The following MROH9 variants were observed in gnomAD, a reference collection of about 807,000 sequenced individuals.
MROH9 encodes the protein maestro heat-like repeat-containing protein family member 9.
In MROH9, 92 loss-of-function variants were observed where a neutral mutation model predicts 98.2. The observed-to-expected ratio is 0.94, with a 90% CI of 0.79 to 1.11. The LOEUF is 1.11. MROH9 is among the 50% of genes most tolerant of loss of function. The probability of loss-of-function intolerance (pLI) is 0.00; values close to 1 mark genes in which losing one functional copy is unlikely to be tolerated. For synonymous variants in MROH9, 397 were observed against 368.9 expected (o/e 1.08, Z -0.87); for missense variants, 1,057 against 1,014.8 (o/e 1.04, Z -0.57).
At chr1:170,999,743 T>A (rs1651724906) in intron 15 of MROH9, among the ~76,000 whole-genome samples, 1 of 152,140 alleles carries the variant, frequency 6.6e-6, no homozygotes, top group South Asian at 2.1e-4. Flanking sequence ...TTTAGTTCTT[T>A]AAGGGATCTC....
chr1:171,058,749 A>G (rs1571175871), intron 20 of MROH9, among the ~76,000 whole-genome samples: 1 of 152,226 alleles, frequency 6.6e-6, no homozygotes, highest in African/African-American at 2.4e-5. Context: ...TGGGGAAAGG[A>G]TTTCCTATTT....
At chr1:170,992,912 G>T (rs1011397962) in intron 12 of MROH9, among the ~76,000 whole-genome samples, 1 of 152,128 alleles carries the variant, frequency 6.6e-6, no homozygotes, top group African/African-American at 2.4e-5. Context: ...TCTCATTTGT[G>T]TCCATCATTT....
intron 9 of MROH9, among the ~76,000 whole-genome samples, chr1:170,984,228 C>T (rs1305209287): frequency 3.3e-5 from 5 of 152,158 alleles, no homozygotes; most frequent in South Asian, 2.1e-4. Context: ...TAGGCTAGCT[C>T]ATCTCTTGGG....
Position 170,992,280 on chromosome 1 carries a change from C to A in MROH9, c.1145C>A (p.Thr382Lys). The A allele has an allele frequency of 6.2e-7, 1 of 1,613,528 alleles. No homozygotes were observed. The highest frequency in any genetic ancestry group is 8.5e-7 in the Non-Finnish European group (1 of 1,179,654). The part of the protein sequence containing the change: ...GKPGEMEDTV[T>K]EGKRFSLDIT... Reference sequence around the variant, plus strand: ...CCTGGGGAAATGGAGGACACCGTAACGGAAGGGAAACGTTTCTCTCTTGAT... The same window carrying A: ...CCTGGGGAAATGGAGGACACCGTAAAGGAAGGGAAACGTTTCTCTCTTGAT... Residue 382 changes from threonine to lysine, a missense_variant, in exon 12 of 22, where the codon ACG becomes AAG. Coordinates refer to ENST00000367759, the MANE Select transcript of MROH9 (RefSeq NM_001163629.2).
chr1:170,936,646 A>G (rs1316117845), intron 1 of MROH9, among the ~76,000 whole-genome samples: 1 of 152,230 alleles, frequency 6.6e-6, no homozygotes, highest in Non-Finnish European at 1.5e-5. Context: ...TTTGGCACCC[A>G]TATACATATC....
chr1:170,957,782 C>A (rs975862112), intron 3 of MROH9, among the ~76,000 whole-genome samples: 5 of 148,620 alleles, frequency 3.4e-5, no homozygotes, highest in African/African-American at 1.3e-4. Context: ...AGTTGCCCTG[C>A]TGGCATTTTT....
At chr1:171,040,494 GGTATAT>G (rs1183470572) in intron 20 of MROH9, among the ~76,000 whole-genome samples, 3 of 151,946 alleles carry the variant, frequency 2.0e-5, no homozygotes, top group Admixed American at 1.3e-4. Context: ...CATTTCGCTA[GGTATAT>G]GTATATCAAA....
intron 15 of MROH9, among the ~76,000 whole-genome samples, chr1:171,007,532 T>C (rs1350253728): frequency 6.6e-6 from 1 of 152,158 alleles, no homozygotes; most frequent in Non-Finnish European, 1.5e-5. Context: ...AGGATAGGCA[T>C]GTTCCTAAGC....
At chr1:170,958,870 G>A (rs532808708) in intron 4 of MROH9, among the ~76,000 whole-genome samples, 12 of 152,230 alleles carry the variant, frequency 7.9e-5, no homozygotes, top group African/African-American at 2.4e-4. Context: ...AGCTTAGCAT[G>A]GCTTTGTGGA....
At chr1:171,025,495 T>C (rs1037513775) in intron 20 of MROH9, 75 bp downstream of exon 20, 18 of 989,038 alleles carry the variant, frequency 1.8e-5, no homozygotes, top group Non-Finnish European at 2.6e-5. Flanking sequence ...AAAGTCTTTC[T>C]TACATTTTTT....
In MROH9 at chr1:170,992,393, C is replaced by T. The variant is rs1421789555; in HGVS notation, c.1194+64C>T. 11 of 1,513,834 alleles carry T rather than the reference C, an allele frequency of 7.3e-6. No homozygotes were observed. The East Asian group carries it at 1.1e-4, about 16-fold the overall frequency. 93.8% of individuals were successfully genotyped at this position (1,513,834 alleles called of 1,614,324 possible). On this transcript the variant is annotated intron_variant, in intron 12 of 21. Coordinates refer to ENST00000367759, the MANE Select transcript of MROH9 (RefSeq NM_001163629.2). ...TTTTCCTGATTGTGAAAATCCCTAT[C>T]TGCCCACAGACTCAATCATACTTTC...
chr1:171,051,525 G>C (rs1304089464), intron 20 of MROH9, among the ~76,000 whole-genome samples: 1 of 152,114 alleles, frequency 6.6e-6, no homozygotes, highest in East Asian at 1.9e-4. Context: ...ACTTATAAGT[G>C]GGAGCTGAAC....
intron 20 of MROH9, among the ~76,000 whole-genome samples, chr1:171,053,329 T>G (rs974138119): frequency 1.3e-5 from 2 of 152,130 alleles, no homozygotes; most frequent in Non-Finnish European, 2.9e-5. Flanking sequence ...TCCCAAATAC[T>G]CCCAGGCTTT....
intron 15 of MROH9, among the ~76,000 whole-genome samples, chr1:171,002,967 T>G (rs1651831706): frequency 6.6e-6 from 1 of 152,168 alleles, no homozygotes; most frequent in African/African-American, 2.4e-5. Flanking sequence ...CTTTTTGTCT[T>G]TGTTGGATTG....
intron 15 of MROH9, 107 bp from the exon 16 acceptor site, chr1:171,014,010 T>C: frequency 1.2e-6 from 1 of 868,194 alleles, no homozygotes; most frequent in Non-Finnish European, 1.8e-6. Context: ...TTTGATGTTT[T>C]AGTGAGATTT....
In MROH9 at chr1:170,996,967, A is replaced by G. The variant is rs182779231; in HGVS notation, c.1475+323A>G. On this transcript the variant is annotated intron_variant, in intron 14 of 21. Coordinates refer to ENST00000367759, the MANE Select transcript of MROH9 (RefSeq NM_001163629.2). ...CCCTCTGATTTTAGCTGATTCCTGCACAGCAGGCATCAGTTTTAGACATGT... is the reference window on the plus strand; with the variant it reads ...CCCTCTGATTTTAGCTGATTCCTGCGCAGCAGGCATCAGTTTTAGACATGT... Among the ~76,000 whole-genome samples, 5 of 152,254 alleles carry G rather than the reference A, an allele frequency of 3.3e-5. No homozygotes were observed. The East Asian group carries it at 7.7e-4, about 24-fold the overall frequency.
chr1:170,992,631 T>C (rs1651402719), intron 12 of MROH9, among the ~76,000 whole-genome samples: 2 of 152,098 alleles, frequency 1.3e-5, no homozygotes, highest in Admixed American at 1.3e-4. Context: ...GGTAAGTTGG[T>C]CAGGGCAGGC....
chr1:170,952,499 G>T (rs549036166), intron 3 of MROH9, among the ~76,000 whole-genome samples: 6,174 of 150,046 alleles, frequency 0.041, 375 homozygotes, highest in African/African-American at 0.13. Flanking sequence ...CTATCGCAAG[G>T]ACAAAAAACC....
chr1:170,997,962 T>A (rs1017858950), intron 14 of MROH9, among the ~76,000 whole-genome samples, 192 bp from the exon 15 acceptor site: 1 of 152,182 alleles, frequency 6.6e-6, no homozygotes, highest in Non-Finnish European at 1.5e-5. Flanking sequence ...GAAAGAGATG[T>A]TGACAGGGAT....
Sources: gnomAD v4.1 joint callset for allele counts (sites outside exome capture counted in the v4.1 genomes callset) on GRCh38, gnomAD v4.1.1 for gene constraint, MANE v1.5 for transcripts, NCBI Gene and HGNC (gene_info 2026-07-23, HGNC 2026-07-21) for gene names.